The following NLGN1 variants were observed in gnomAD, a reference collection of about 807,000 sequenced individuals.
The protein encoded by NLGN1 is neuroligin 1.
In NLGN1, 12 loss-of-function variants were observed where a neutral mutation model predicts 65.5. That is an observed-to-expected ratio of 0.18 (90% CI 0.12 to 0.30). The LOEUF (loss-of-function observed/expected upper bound fraction) is 0.30, where lower values mean the gene tolerates loss of function less well. Ranked by LOEUF, NLGN1 falls within the 10% of genes least tolerant of loss-of-function variation. The probability of loss-of-function intolerance (pLI) is 1.00; values close to 1 mark genes in which losing one functional copy is unlikely to be tolerated. For missense variants in NLGN1, 750 were observed against 1,007.1 expected, an observed-to-expected ratio of 0.74 and a Z score of 3.46; for synonymous variants, 350 against 359.5, an observed-to-expected ratio of 0.97 and a Z score of 0.30.
intron 2 of NLGN1, among the ~76,000 whole-genome samples, chr3:173,581,312 A>G (rs1479134288): frequency 2.6e-5 from 4 of 152,132 alleles, no homozygotes; most frequent in Admixed American, 2.6e-4. Context: ...CAGTCCCCAT[A>G]TTTCATATCA....
intron 3 of NLGN1, among the ~76,000 whole-genome samples, chr3:173,623,167 CGG>C (rs769241572): frequency 7.9e-5 from 12 of 152,122 alleles, no homozygotes; most frequent in Non-Finnish European, 1.0e-4. Flanking sequence ...ACATAAACCT[CGG>C]TGAAGGTTAA....
intron 4 of NLGN1, among the ~76,000 whole-genome samples, chr3:173,998,332 C>A (rs1458801754): frequency 6.6e-6 from 1 of 152,140 alleles, no homozygotes; most frequent in African/African-American, 2.4e-5. Flanking sequence ...TGGAATTTAT[C>A]CAAGCTTACA....
Position 173,565,681 on chromosome 3 carries a change from G to A in NLGN1, c.-320-38598G>A, listed in dbSNP as rs181337359. On this transcript the variant is annotated intron_variant, in intron 2 of 6. Coordinates refer to ENST00000457714, the Ensembl canonical transcript of NLGN1. ...AAAAAAGCAGCAGCTCCAGACATGC[G>A]TCTTCAAATTCCTAGTTATATGTAT... 2.1e-3 allele frequency among the ~76,000 whole-genome samples: 315 copies of A among 152,006 alleles called. 3 individuals are homozygous for A. The highest frequency in any genetic ancestry group is 2.0e-3 in the Non-Finnish European group (135 of 67,954).
At chr3:174,019,396 C>A (rs977776161) in intron 4 of NLGN1, among the ~76,000 whole-genome samples, 4 of 152,088 alleles carry the variant, frequency 2.6e-5, no homozygotes, top group Admixed American at 6.6e-5. Context: ...GCCCTCTTGC[C>A]ATTTGATACC....
chr3:174,010,617 G>T lies in NLGN1; in HGVS notation c.646+202785G>T, dbSNP rs554728510. 4.6e-5 allele frequency among the ~76,000 whole-genome samples: 7 copies of T among 152,164 alleles called. No individual in the cohort carries two copies. In the South Asian group the frequency reaches 1.5e-3, roughly 32 times the overall value. On this transcript the variant is annotated intron_variant, in intron 4 of 6. Coordinates refer to ENST00000457714, the Ensembl canonical transcript of NLGN1. Reference sequence around the variant, plus strand: ...TATAGACACAATTCTTCTTATGGCAGATTTTATATAACATCTGAATTGCTT... The same window carrying T: ...TATAGACACAATTCTTCTTATGGCATATTTTATATAACATCTGAATTGCTT...
intron 2 of NLGN1, among the ~76,000 whole-genome samples, chr3:173,509,578 C>T (rs566552656): frequency 3.8e-4 from 58 of 152,214 alleles, no homozygotes; most frequent in African/African-American, 7.5e-4. Flanking sequence ...TGAAACTAAA[C>T]GCTGCACTCT....
intron 3 of NLGN1, among the ~76,000 whole-genome samples, chr3:173,759,970 G>A (rs1777720856): frequency 6.6e-6 from 1 of 151,900 alleles, no homozygotes; most frequent in Non-Finnish European, 1.5e-5. Context: ...TGGGTAGTTA[G>A]TTGTAACATT....
intron 2 of NLGN1, among the ~76,000 whole-genome samples, chr3:173,562,482 G>A (rs868139743): frequency 1.3e-4 from 19 of 151,750 alleles, no homozygotes; most frequent in Admixed American, 3.9e-4. Context: ...CAGGGGAATC[G>A]CTTGAACCCA....
chr3:173,578,503 C>T (rs980439933), intron 2 of NLGN1, among the ~76,000 whole-genome samples: 6 of 152,118 alleles, frequency 3.9e-5, no homozygotes, highest in African/African-American at 1.4e-4. Flanking sequence ...CTTTCCATCT[C>T]GAACTATAGA....
intron 4 of NLGN1, among the ~76,000 whole-genome samples, chr3:173,901,297 G>A (rs532016746): frequency 7.4e-5 from 11 of 149,622 alleles, no homozygotes; most frequent in African/African-American, 2.7e-4. Flanking sequence ...ACATAGACAA[G>A]TTTCTGAAAC....
chr3:174,004,155 T>G (rs941103699), intron 4 of NLGN1, among the ~76,000 whole-genome samples: 2 of 152,170 alleles, frequency 1.3e-5, no homozygotes, highest in African/African-American at 2.4e-5. Context: ...AATCTGAACT[T>G]CAATTTGTGT....
intron 4 of NLGN1, among the ~76,000 whole-genome samples, chr3:174,254,432 A>G (rs1745316038): frequency 7.0e-6 from 1 of 143,244 alleles, no homozygotes; most frequent in Non-Finnish European, 1.5e-5. Flanking sequence ...TCTTTCTTCT[A>G]TAGCTTTCAT....
intron 4 of NLGN1, among the ~76,000 whole-genome samples, chr3:173,949,005 G>A (rs1747706673): frequency 6.6e-6 from 1 of 151,784 alleles, no homozygotes; most frequent in Non-Finnish European, 1.5e-5. Context: ...TGCCCTATTT[G>A]CAGACACCTC....
Position 174,076,679 on chromosome 3 carries a change from TAGAGAGAGAGAGAGAGAGAGAG to T in NLGN1, c.647-198611_647-198590del, listed in dbSNP as rs3979619. 6.2e-4 allele frequency among the ~76,000 whole-genome samples: 58 copies of T among 92,922 alleles called. 1 individual carries two copies. The highest frequency in any genetic ancestry group is 1.9e-3 in the Admixed American group (16 of 8,436). 61.0% of individuals were successfully genotyped at this position (92,922 alleles called of 152,430 possible). ...ATAGTTCCTTTCTCCTCTGGGACCA[TAGAGAGAGAGAGAGAGAGAGAG>T]AGAGAGAGAGAGAGAGAGAGAGAGT... is the stretch of plus-strand genomic sequence containing the variant. On this transcript the variant is annotated intron_variant, in intron 4 of 6. Coordinates refer to ENST00000457714, the Ensembl canonical transcript of NLGN1.
downstream of NLGN1, among the ~76,000 whole-genome samples, chr3:174,288,630 A>T (rs1461041915): frequency 6.6e-6 from 1 of 151,484 alleles, no homozygotes; most frequent in Non-Finnish European, 1.5e-5. Context: ...AAAATAGTTC[A>T]GTCTTTTCAC....
intron 4 of NLGN1, among the ~76,000 whole-genome samples, chr3:174,173,535 T>C (rs9857372): frequency 0.17 from 25,393 of 151,990 alleles, 4,330 homozygotes; most frequent in African/African-American, 0.44. Context: ...TGAAGGGATA[T>C]GAATTTTATG....
chr3:173,759,686 T>C (rs1777671578), intron 3 of NLGN1, among the ~76,000 whole-genome samples: 1 of 151,982 alleles, frequency 6.6e-6, no homozygotes, highest in African/African-American at 2.4e-5. Flanking sequence ...TTCATCATAC[T>C]TCCATGTAAC....
intron 2 of NLGN1, among the ~76,000 whole-genome samples, chr3:173,492,461 C>A (rs2149017823): frequency 6.6e-6 from 1 of 151,654 alleles, no homozygotes; most frequent in Non-Finnish European, 1.5e-5. Context: ...GTCAATCAAG[C>A]TGTATTTGAT....
intron 3 of NLGN1, among the ~76,000 whole-genome samples, chr3:173,652,130 A>G (rs1759293532): frequency 6.6e-6 from 1 of 151,976 alleles, no homozygotes; most frequent in Non-Finnish European, 1.5e-5. Flanking sequence ...TTTGGTTGTT[A>G]TTGTTGAGTT....
Sources: allele counts gnomAD v4.1 joint callset (sites outside exome capture counted in the v4.1 genomes callset), GRCh38; gene constraint gnomAD v4.1.1; transcripts MANE v1.5; gene names NCBI Gene and HGNC (gene_info 2026-07-23, HGNC 2026-07-21).